GRM7: variants seen among roughly 807,000 people sequenced by gnomAD.
GRM7 encodes metabotropic glutamate receptor 7.
GRM7 carries 35 observed loss-of-function variants against 84.5 expected under a neutral mutation model. The ratio of observed to expected loss-of-function variants is 0.41; its 90% confidence interval spans 0.32 to 0.55. The LOEUF (loss-of-function observed/expected upper bound fraction) is 0.55, where lower values mean the gene tolerates loss of function less well. GRM7 is among the 20% of genes least tolerant of loss of function. GRM7 has a pLI of 0.19. For synonymous variants in GRM7, 487 were observed against 455.1 expected (o/e 1.07, Z -0.89); for missense variants, 1,003 against 1,194.6 (o/e 0.84, Z 2.36).
chr3:7,287,638 A>G (rs1699475554), intron 2 of GRM7, among the ~76,000 whole-genome samples: 1 of 152,150 alleles, frequency 6.6e-6, no homozygotes, highest in Non-Finnish European at 1.5e-5. Context: ...GATGAGAGTG[A>G]CACATTTTTT....
At chr3:7,724,946 T>A (rs162796) in intron 9 of GRM7, among the ~76,000 whole-genome samples, 35,874 of 151,584 alleles carry the variant, frequency 0.24, 4,491 homozygotes, top group African/African-American at 0.29. Context: ...TATTATTATT[T>A]TTTTTTTATT....
intron 2 of GRM7, among the ~76,000 whole-genome samples, chr3:7,208,415 G>A (rs1205765241): frequency 2.0e-5 from 3 of 152,212 alleles, no homozygotes; most frequent in South Asian, 4.1e-4. Flanking sequence ...TTGCTGGTGC[G>A]TGACCTTAGT....
At position 7,503,952 on chromosome 3, in the gene GRM7, G is replaced by T. The variant is rs531434688; in HGVS notation, c.1515+42230G>T. Among the ~76,000 whole-genome samples the T allele has an allele frequency of 9.3e-4, 141 of 152,196 alleles. 1 individual carries two copies. Among genetic ancestry groups the T allele is most frequent in the Non-Finnish European group, 1.7e-3 (115 of 68,014 alleles). The stretch of plus-strand genomic sequence containing the variant: ...AACAATAATCTGTTCTCTGTGGATG[G>T]ACACTGGGAATATCAACAGATGCAC... On this transcript the variant is annotated intron_variant, in intron 7 of 9. Coordinates refer to ENST00000357716, the MANE Select transcript of GRM7 (RefSeq NM_000844.4).
At chr3:7,681,317 C>T (rs1378432487) in intron 9 of GRM7, 1 of 152,020 alleles carries the variant, frequency 6.6e-6, no homozygotes, top group East Asian at 1.9e-4. Context: ...TGCTTAATGC[C>T]AAATAGAAGG....
intron 1 of GRM7, among the ~76,000 whole-genome samples, chr3:7,041,739 G>A (rs1696623534): frequency 6.6e-6 from 1 of 152,192 alleles, no homozygotes; most frequent in African/African-American, 2.4e-5. Context: ...AATCTCCAGA[G>A]TGATTTTTTG....
intron 5 of GRM7, among the ~76,000 whole-genome samples, chr3:7,422,723 G>C (rs966864663): frequency 6.6e-6 from 1 of 152,044 alleles, no homozygotes; most frequent in Non-Finnish European, 1.5e-5. Flanking sequence ...GAACACAAAG[G>C]TCAGTCCTTT....
intron 2 of GRM7, among the ~76,000 whole-genome samples, chr3:7,190,282 A>C (rs1285260136): frequency 6.6e-6 from 1 of 152,124 alleles, no homozygotes; most frequent in African/African-American, 2.4e-5. Context: ...TTCATTTTAT[A>C]TTAGTAAGCC....
At chr3:7,173,446 A>C (rs530905239) in intron 2 of GRM7, among the ~76,000 whole-genome samples, 1 of 152,118 alleles carries the variant, frequency 6.6e-6, no homozygotes, top group East Asian at 1.9e-4. Flanking sequence ...TGCATTTCAT[A>C]TGTTACATGT....
intron 8 of GRM7, among the ~76,000 whole-genome samples, chr3:7,672,521 A>C (rs1699958325): frequency 6.6e-6 from 1 of 152,066 alleles, no homozygotes; most frequent in South Asian, 2.1e-4. Context: ...CTTAATTCTC[A>C]ACTGTCACCT....
chr3:6,973,334 A>G (rs1327041616), intron 1 of GRM7, among the ~76,000 whole-genome samples: 1 of 152,100 alleles, frequency 6.6e-6, no homozygotes, highest in Non-Finnish European at 1.5e-5. Flanking sequence ...GTTCCTTCTT[A>G]GCACCGATCT....
chr3:7,488,923 A>C (rs1293338008), intron 7 of GRM7, among the ~76,000 whole-genome samples: 1 of 151,708 alleles, frequency 6.6e-6, no homozygotes, highest in Non-Finnish European at 1.5e-5. Context: ...ACTGTGTATC[A>C]AATGACACTT....
intron 1 of GRM7, among the ~76,000 whole-genome samples, chr3:6,923,955 T>G (rs890638032): frequency 2.6e-5 from 4 of 152,210 alleles, no homozygotes; most frequent in Non-Finnish European, 5.9e-5. Flanking sequence ...ATAGTGTCAG[T>G]GGAGAAATAA....
At chr3:7,565,095 A>G (rs1441602590) in intron 7 of GRM7, among the ~76,000 whole-genome samples, 1 of 152,222 alleles carries the variant, frequency 6.6e-6, no homozygotes, top group Non-Finnish European at 1.5e-5. Flanking sequence ...AACATTCATT[A>G]TATACATAGA....
At chr3:7,666,321 T>C (rs3864076) in intron 8 of GRM7, among the ~76,000 whole-genome samples, 82,000 of 152,004 alleles carry the variant, frequency 0.54, 22,991 homozygotes, top group African/African-American at 0.68. Flanking sequence ...AAGTTTGGAT[T>C]CCCCAAGAAT....
intron 1 of GRM7, among the ~76,000 whole-genome samples, chr3:6,924,111 T>A (rs1254873631): frequency 1.3e-5 from 2 of 152,216 alleles, no homozygotes; most frequent in Non-Finnish European, 2.9e-5. Context: ...TGAATAATTA[T>A]GCCTATAACA....
chr3:7,204,226 G>A (rs1189261762), intron 2 of GRM7, among the ~76,000 whole-genome samples: 1 of 152,174 alleles, frequency 6.6e-6, no homozygotes, highest in Non-Finnish European at 1.5e-5. Flanking sequence ...AAAGACAATG[G>A]TTGTGGGAAA....
intron 1 of GRM7, among the ~76,000 whole-genome samples, chr3:6,939,283 C>T (rs1002925542): frequency 2.0e-5 from 3 of 152,118 alleles, no homozygotes; most frequent in African/African-American, 7.2e-5. Context: ...TTTTGTGAGT[C>T]ATGTGGTAGT....
At chr3:6,869,581 G>GTCTATCTA (rs140514964) in intron 1 of GRM7, among the ~76,000 whole-genome samples, 257 of 150,772 alleles carry the variant, frequency 1.7e-3, no homozygotes, top group Non-Finnish European at 1.8e-3. Flanking sequence ...CTATCTATCT[G>GTCTATCTA]TCTATCTATC....
In GRM7 at chr3:7,159,814, A is replaced by G. The variant is rs530109370; in HGVS notation, c.736+13146A>G. ...ACCAGGACGTCTCCTACTTTTCAAA[A>G]TGACTCAAAAGTTGAGCTAGCCTTA... On this transcript the variant is annotated intron_variant, in intron 2 of 9. Transcript: ENST00000357716. 3.3e-5 allele frequency among the ~76,000 whole-genome samples: 5 copies of G among 152,276 alleles called. No homozygotes were observed. In the East Asian group the frequency reaches 9.7e-4, roughly 29 times the overall value.
Sources: gnomAD v4.1 joint callset for allele counts (sites outside exome capture counted in the v4.1 genomes callset) on GRCh38, gnomAD v4.1.1 for gene constraint, MANE v1.5 for transcripts, NCBI Gene and HGNC (gene_info 2026-07-23, HGNC 2026-07-21) for gene names.